Variants in LINGO2 observed in about 807,000 individuals in gnomAD.
LINGO2 encodes leucine-rich repeat and immunoglobulin-like domain-containing nogo receptor-interacting protein 2.
In LINGO2, 14 loss-of-function variants were observed where a neutral mutation model predicts 30.6. That is an observed-to-expected ratio of 0.46 (90% CI 0.30 to 0.72). The LOEUF (loss-of-function observed/expected upper bound fraction) is 0.72. LINGO2 is among the 30% of genes least tolerant of loss of function. The pLI is 0.07. For synonymous variants in LINGO2, 317 were observed against 288.5 expected, an observed-to-expected ratio of 1.10 and a Z score of -1.00; for missense variants, 729 against 751.7, an observed-to-expected ratio of 0.97 and a Z score of 0.35.
chr9:28,016,135 T>C (rs1822824555), intron 4 of LINGO2, among the ~76,000 whole-genome samples: 1 of 152,126 alleles, frequency 6.6e-6, no homozygotes, highest in Non-Finnish European at 1.5e-5. Flanking sequence ...GATTCCAATT[T>C]CTTTTCCCTC....
intron 4 of LINGO2, among the ~76,000 whole-genome samples, chr9:28,027,428 T>C (rs937047141): frequency 6.6e-6 from 1 of 152,134 alleles, no homozygotes; most frequent in Non-Finnish European, 1.5e-5. Context: ...AACAATCTCT[T>C]GTGTGCCAGT....
At chr9:28,514,902 A>C (rs1424076997) in intron 1 of LINGO2, among the ~76,000 whole-genome samples, 2 of 150,752 alleles carry the variant, frequency 1.3e-5, no homozygotes, top group African/African-American at 4.9e-5. Context: ...GGCCTTAAGA[A>C]TTATGCTAAA....
the LINGO2 span, among the ~76,000 whole-genome samples, chr9:28,833,657 C>T: frequency 6.6e-6 from 1 of 152,146 alleles, no homozygotes; most frequent in African/African-American, 2.4e-5. Context: ...AGGGAACATT[C>T]ACAGCCTGTG....
rs115730662 is a variant in LINGO2, at chr9:28,532,173, T to C, written c.-364-56148A>G. Among the ~76,000 whole-genome samples the C allele has an allele frequency of 6.2e-3, 945 of 152,242 alleles. 9 individuals are homozygous for C. Among genetic ancestry groups the C allele is most frequent in the African/African-American group, 0.021 (870 of 41,558 alleles). ...TTTTAACAGACATTTTCTGCCTCTA[T>C]TTTCTCATCTGAACAGTGGGGATAA... is the stretch of plus-strand genomic sequence containing the variant. On this transcript the variant is annotated intron_variant, in intron 1 of 5. Transcript: ENST00000379992.
chr9:28,577,032 T>A (rs751016337), intron 1 of LINGO2, among the ~76,000 whole-genome samples: 9 of 152,192 alleles, frequency 5.9e-5, no homozygotes, highest in Non-Finnish European at 1.3e-4. Flanking sequence ...CTGCCCCTGG[T>A]CATTCCTGGG....
At chr9:29,165,454 A>T in the LINGO2 span, among the ~76,000 whole-genome samples, 42 of 152,094 alleles carry the variant, frequency 2.8e-4, no homozygotes, top group African/African-American at 9.6e-4. Context: ...TATTTCCCCC[A>T]TGGATTTGAT....
the LINGO2 span, among the ~76,000 whole-genome samples, chr9:28,989,308 A>C: frequency 7.9e-5 from 12 of 152,216 alleles, no homozygotes; most frequent in African/African-American, 2.7e-4. Context: ...ATCAAGAGAA[A>C]ACAATGTTTG....
chr9:29,159,079 C>T, the LINGO2 span, among the ~76,000 whole-genome samples: 2 of 152,082 alleles, frequency 1.3e-5, no homozygotes, highest in African/African-American at 4.8e-5. Context: ...TTGGAGCCAT[C>T]CATAAATGGC....
At chr9:28,681,637 T>C in the LINGO2 span, among the ~76,000 whole-genome samples, 9 of 152,064 alleles carry the variant, frequency 5.9e-5, no homozygotes, top group Non-Finnish European at 1.0e-4. Flanking sequence ...ACTTAGAGGG[T>C]TAAAGCTACA....
At chr9:27,953,225 ATAG>A (rs1262279830) in intron 5 of LINGO2, among the ~76,000 whole-genome samples, 1 of 152,266 alleles carries the variant, frequency 6.6e-6, no homozygotes, top group East Asian at 1.9e-4. Flanking sequence ...ATTAATTGAT[ATAG>A]TAGATTTAAA....
intron 4 of LINGO2, among the ~76,000 whole-genome samples, chr9:28,044,465 C>T (rs1278299456): frequency 6.6e-6 from 1 of 152,104 alleles, no homozygotes; most frequent in Non-Finnish European, 1.5e-5. Context: ...ACAGACTTTC[C>T]TAAGAACATA....
intron 4 of LINGO2, among the ~76,000 whole-genome samples, chr9:28,179,593 A>G (rs1199838676): frequency 7.8e-6 from 1 of 127,430 alleles, no homozygotes; most frequent in African/African-American, 2.8e-5. Flanking sequence ...ATTTTATACT[A>G]TATATACTAT....
At chr9:29,168,414 T>A in the LINGO2 span, among the ~76,000 whole-genome samples, 3 of 152,178 alleles carry the variant, frequency 2.0e-5, no homozygotes, top group African/African-American at 7.2e-5. Context: ...GAAAAATGAT[T>A]TATTTTAGCC....
intron 2 of LINGO2, among the ~76,000 whole-genome samples, chr9:28,429,588 T>C (rs16913053): frequency 0.03 from 4,589 of 152,222 alleles, 237 homozygotes; most frequent in African/African-American, 0.1. Context: ...CCTTTTTCAG[T>C]TGAGACACCT....
chr9:28,594,278 CA>C (rs1444791948), intron 1 of LINGO2, among the ~76,000 whole-genome samples: 2 of 151,902 alleles, frequency 1.3e-5, no homozygotes, highest in East Asian at 3.9e-4. Context: ...TATAATTAGC[CA>C]ACTCATATTT....
At chr9:28,138,372 C>T (rs775089345) in intron 4 of LINGO2, among the ~76,000 whole-genome samples, 51 of 152,058 alleles carry the variant, frequency 3.4e-4, no homozygotes, top group African/African-American at 4.3e-4. Context: ...GTATGGAATA[C>T]GGGAGGAAAA....
chr9:29,114,454 C>T, the LINGO2 span, among the ~76,000 whole-genome samples: 1 of 149,934 alleles, frequency 6.7e-6, no homozygotes, highest in Non-Finnish European at 1.5e-5. Flanking sequence ...GCACAATGCA[C>T]AGGTTTGTTA....
At chr9:28,202,008 C>A (rs1020159054) in intron 4 of LINGO2, among the ~76,000 whole-genome samples, 13 of 152,230 alleles carry the variant, frequency 8.5e-5, no homozygotes, top group African/African-American at 3.1e-4. Context: ...ATGCCTCCCA[C>A]AGTTTGGAGG....
upstream of LINGO2, among the ~76,000 whole-genome samples, chr9:28,671,662 C>A (rs992755582): frequency 1.5e-4 from 23 of 151,678 alleles, no homozygotes; most frequent in Non-Finnish European, 2.8e-4. Flanking sequence ...GGGAAAGAAT[C>A]AAAAAATTAC....
Sources: allele counts gnomAD v4.1 joint callset (sites outside exome capture counted in the v4.1 genomes callset), GRCh38; gene constraint gnomAD v4.1.1; transcripts MANE v1.5; gene names NCBI Gene and HGNC (gene_info 2026-07-23, HGNC 2026-07-21).